The following GALNTL6 variants were observed in gnomAD, a reference collection of about 807,000 sequenced individuals.
GALNTL6 encodes the protein polypeptide N-acetylgalactosaminyltransferase-like 6.
A neutral mutation model predicts 73.7 loss-of-function variants in GALNTL6; 46 were observed. The ratio of observed to expected loss-of-function variants is 0.62; its 90% CI spans 0.49 to 0.80. The LOEUF (loss-of-function observed/expected upper bound fraction) is 0.80. Ranked by LOEUF, GALNTL6 falls within the 30% of genes least tolerant of loss-of-function variation. GALNTL6 has a pLI of 0.00. For synonymous variants in GALNTL6, 259 were observed against 263.7 expected (o/e 0.98, Z 0.17); for missense variants, 604 against 755.0 (o/e 0.80, Z 2.34).
intron 7 of GALNTL6, among the ~76,000 whole-genome samples, chr4:172,865,006 G>A (rs987725375): frequency 4.6e-5 from 7 of 152,106 alleles, no homozygotes; most frequent in African/African-American, 1.7e-4. Context: ...AAAGGATTTG[G>A]GTTTTGTTAT....
chr4:172,281,485 A>G (rs1391502481), intron 3 of GALNTL6, among the ~76,000 whole-genome samples: 1 of 152,188 alleles, frequency 6.6e-6, no homozygotes, highest in Non-Finnish European at 1.5e-5. Flanking sequence ...ACTTGAGGTC[A>G]GGAGTTCAAG....
chr4:172,136,843 CAAAG>C (rs1733650427), intron 2 of GALNTL6, among the ~76,000 whole-genome samples: 1 of 151,994 alleles, frequency 6.6e-6, no homozygotes, highest in South Asian at 2.1e-4. Flanking sequence ...ACCAACCATG[CAAAG>C]AAAGAGTCAA....
intron 5 of GALNTL6, among the ~76,000 whole-genome samples, chr4:172,555,655 T>C (rs1284410246): frequency 4.6e-5 from 7 of 152,020 alleles, no homozygotes; most frequent in African/African-American, 1.4e-4. Context: ...ATATTGAAGA[T>C]TTACCCTATA....
intron 2 of GALNTL6, among the ~76,000 whole-genome samples, chr4:171,954,011 G>A (rs1738968894): frequency 6.6e-6 from 1 of 152,234 alleles, no homozygotes. Context: ...GTCTAGTAAG[G>A]TTGATGTGCA....
Position 172,463,233 on chromosome 4 carries a change from G to GA in GALNTL6, c.553+114551dup, listed in dbSNP as rs375619493. On this transcript the variant is annotated intron_variant, in intron 5 of 12. Coordinates refer to ENST00000506823, the MANE Select transcript of GALNTL6 (RefSeq NM_001034845.3). ...ATCTTGCTATTTCTAGAGCAGGAAGGAAAAAAATAATATCAAATGAGGGAG... is the reference window on the plus strand; with the variant it reads ...ATCTTGCTATTTCTAGAGCAGGAAGGAAAAAAAATAATATCAAATGAGGGAG... 4.2e-3 allele frequency among the ~76,000 whole-genome samples: 629 copies of GA among 150,696 alleles called. 5 individuals carry two copies. Among genetic ancestry groups the GA allele is most frequent in the African/African-American group, 0.014 (566 of 41,018 alleles).
intron 12 of GALNTL6, among the ~76,000 whole-genome samples, chr4:173,022,189 GAGGA>G (rs35151291): frequency 0.27 from 36,149 of 133,912 alleles, 4,838 homozygotes; most frequent in Admixed American, 0.3. Context: ...GGGAGGGAGG[GAGGA>G]AGGAAGGAAG....
chr4:172,489,377 T>C (rs528632608), intron 5 of GALNTL6, among the ~76,000 whole-genome samples: 2 of 152,346 alleles, frequency 1.3e-5, no homozygotes, highest in Admixed American at 6.5e-5. Flanking sequence ...TTTCGAACTT[T>C]AGAAAAGAAA....
intron 5 of GALNTL6, among the ~76,000 whole-genome samples, chr4:172,514,112 G>C (rs1734520924): frequency 6.6e-6 from 1 of 152,132 alleles, no homozygotes; most frequent in African/African-American, 2.4e-5. Context: ...TTGCCCTAAG[G>C]TCACCTGGAT....
In GALNTL6 at chr4:171,893,810, C is replaced by A. The variant is rs1486924746; in HGVS notation, c.138+79092C>A. Among the ~76,000 whole-genome samples the A allele has an allele frequency of 2.0e-5, 3 of 152,276 alleles. No individual in the cohort carries two copies. The South Asian group carries it at 6.2e-4, about 32-fold the overall frequency. ...TGATGAAGTAGTTCATTTCTACAGACTGCTAAACTGAAAAACAACTATTTC... is the reference window on the plus strand; with the variant it reads ...TGATGAAGTAGTTCATTTCTACAGAATGCTAAACTGAAAAACAACTATTTC... On this transcript the variant is annotated intron_variant, in intron 2 of 12. Coordinates refer to ENST00000506823, the MANE Select transcript of GALNTL6 (RefSeq NM_001034845.3).
At chr4:172,514,404 A>T (rs1325653231) in intron 5 of GALNTL6, among the ~76,000 whole-genome samples, 2 of 152,116 alleles carry the variant, frequency 1.3e-5, no homozygotes, top group Non-Finnish European at 2.9e-5. Context: ...GCTCCCATAC[A>T]GCCAGAAAGG....
At chr4:172,303,901 T>C (rs895207429) in intron 3 of GALNTL6, among the ~76,000 whole-genome samples, 4 of 152,198 alleles carry the variant, frequency 2.6e-5, no homozygotes, top group African/African-American at 9.6e-5. Context: ...TCCCATCTCA[T>C]TGTGATAAAT....
intron 5 of GALNTL6, among the ~76,000 whole-genome samples, chr4:172,606,620 TATATATATACTATATATATA>T (rs1738293333): frequency 2.1e-5 from 1 of 46,786 alleles, no homozygotes; most frequent in African/African-American, 5.0e-5. Context: ...ACATATATAG[TATATATATACTATATATATA>T]CTATATATAT....
chr4:172,595,698 A>G (rs1560827007), intron 5 of GALNTL6, among the ~76,000 whole-genome samples: 1 of 152,192 alleles, frequency 6.6e-6, no homozygotes. Context: ...TTCCAATTTC[A>G]TCAGAGTATC....
At chr4:172,850,051 A>T (rs1282630983) in intron 7 of GALNTL6, among the ~76,000 whole-genome samples, 1 of 152,128 alleles carries the variant, frequency 6.6e-6, no homozygotes. Context: ...TTGATCTGGC[A>T]TATTTGGGTT....
At chr4:172,280,811 T>C in intron 3 of GALNTL6, among the ~76,000 whole-genome samples, 1 of 152,128 alleles carries the variant, frequency 6.6e-6, no homozygotes, top group African/African-American at 2.4e-5. Context: ...ATTATATTTC[T>C]GTATTAGTTT....
intron 2 of GALNTL6, among the ~76,000 whole-genome samples, chr4:172,122,619 A>G (rs1309814209): frequency 1.3e-5 from 2 of 152,226 alleles, no homozygotes; most frequent in Non-Finnish European, 2.9e-5. Context: ...GCAAGTTATT[A>G]GAGGAGTACA....
chr4:172,922,396 C>A (rs997292517), intron 8 of GALNTL6, among the ~76,000 whole-genome samples: 1 of 151,948 alleles, frequency 6.6e-6, no homozygotes, highest in Admixed American at 6.6e-5. Flanking sequence ...GAATTTAATA[C>A]CTGCCACAAC....
intron 2 of GALNTL6, among the ~76,000 whole-genome samples, chr4:171,844,167 T>C (rs909361258): frequency 6.6e-6 from 1 of 152,196 alleles, no homozygotes; most frequent in South Asian, 2.1e-4. Flanking sequence ...AGGTGGAATA[T>C]CAATCTTTTT....
chr4:172,746,153 A>T (rs894825012), intron 5 of GALNTL6, among the ~76,000 whole-genome samples: 4 of 152,074 alleles, frequency 2.6e-5, no homozygotes, highest in African/African-American at 9.7e-5. Context: ...ATAGGCAATT[A>T]TTATTATTAT....
Sources: allele counts gnomAD v4.1 joint callset (sites outside exome capture counted in the v4.1 genomes callset), GRCh38; gene constraint gnomAD v4.1.1; transcripts MANE v1.5; gene names NCBI Gene and HGNC (gene_info 2026-07-23, HGNC 2026-07-21).